MRTFA: variants seen among roughly 807,000 people sequenced by gnomAD.
MRTFA encodes myocardin-related transcription factor A.
Under a neutral mutation model 83.5 loss-of-function variants are expected in MRTFA, and 20 were observed. The observed-to-expected ratio is 0.24, with a 90% CI of 0.17 to 0.35. The LOEUF is 0.35. MRTFA is among the 10% of genes least tolerant of loss of function. The pLI is 1.00. For synonymous variants in MRTFA, 659 were observed against 541.2 expected, an observed-to-expected ratio of 1.22 and a Z score of -3.02; for missense variants, 1,200 against 1,224.7, an observed-to-expected ratio of 0.98 and a Z score of 0.30.
At chr22:40,631,101 T>G (rs1677851162) in intron 1 of MRTFA, among the ~76,000 whole-genome samples, 1 of 152,228 alleles carries the variant, frequency 6.6e-6, no homozygotes, top group Non-Finnish European at 1.5e-5. Flanking sequence ...TTATTTTAAC[T>G]GTGGAATTCA....
At chr22:40,627,591 T>C (rs1035159579) in intron 1 of MRTFA, among the ~76,000 whole-genome samples, 3 of 152,198 alleles carry the variant, frequency 2.0e-5, no homozygotes, top group African/African-American at 4.8e-5. Context: ...TCGCTAACTA[T>C]GCAAAAGACA....
chr22:40,490,980 G>C (rs2054262666), intron 3 of MRTFA, among the ~76,000 whole-genome samples: 1 of 151,362 alleles, frequency 6.6e-6, no homozygotes, highest in Non-Finnish European at 1.5e-5. Context: ...AAATTTAAAA[G>C]TGAACTTTTC....
At chr22:40,587,160 G>A in intron 2 of MRTFA, 1 of 460,190 alleles carries the variant, frequency 2.2e-6, no homozygotes, top group Non-Finnish European at 4.4e-6. Flanking sequence ...GGTCTGTATT[G>A]ATCATCTTGT....
At position 40,417,473 on chromosome 22, in the gene MRTFA, A is replaced by G. The variant is rs1451554468; in HGVS notation, c.2385T>C (p.Ser795=). Residue 795 remains serine, a synonymous_variant, in exon 13 of 15, where the codon TCT becomes TCC. Transcript: ENST00000355630. ...TCTGGGCAGAGGGGGCAGGCGCTGG[A>G]GAGCCAGGCTGGGACGAGGGCTGGA... 6.5e-7 allele frequency: 1 copy of G among 1,528,390 alleles called. No individual in the cohort carries two copies. Among genetic ancestry groups the G allele is most frequent in the Admixed American group, 1.9e-5 (1 of 53,860 alleles). 94.7% of individuals were successfully genotyped at this position (1,528,390 alleles called of 1,614,324 possible).
At chr22:40,439,005 T>C (rs1602242877) in intron 4 of MRTFA, among the ~76,000 whole-genome samples, 1 of 152,328 alleles carries the variant, frequency 6.6e-6, no homozygotes, top group East Asian at 1.9e-4. Context: ...AATTTAATAT[T>C]CCTAATCATT....
intron 3 of MRTFA, among the ~76,000 whole-genome samples, chr22:40,540,566 G>A (rs769059607): frequency 2.1e-4 from 32 of 151,994 alleles, no homozygotes; most frequent in Non-Finnish European, 4.4e-4. Context: ...GAGGTGGGTG[G>A]ATCAGGGGTT....
At chr22:40,548,874 T>C (rs1001599500) in intron 3 of MRTFA, among the ~76,000 whole-genome samples, 1 of 148,464 alleles carries the variant, frequency 6.7e-6, no homozygotes, top group African/African-American at 2.5e-5. Context: ...AAAATATATA[T>C]ATACCACTTA....
chr22:40,590,934 C>T (rs1037487274), intron 2 of MRTFA, among the ~76,000 whole-genome samples: 2 of 151,950 alleles, frequency 1.3e-5, no homozygotes, highest in South Asian at 4.1e-4. Flanking sequence ...GAAATCAAGA[C>T]CATCCTGGCC....
intron 3 of MRTFA, among the ~76,000 whole-genome samples, chr22:40,482,940 G>A (rs970680168): frequency 6.6e-6 from 1 of 152,036 alleles, no homozygotes; most frequent in African/African-American, 2.4e-5. Flanking sequence ...AGACCAACCT[G>A]GGCAACACAG....
chr22:40,586,941 G>A (rs2056039502), intron 2 of MRTFA: 1 of 443,690 alleles, frequency 2.3e-6, no homozygotes, highest in African/African-American at 2.0e-5. Context: ...TGCTGCTGCT[G>A]CCACCGCCGC....
chr22:40,519,676 T>A (rs531069313), intron 3 of MRTFA: 19 of 1,153,632 alleles, frequency 1.6e-5, no homozygotes, highest in African/African-American at 1.6e-5. Context: ...TTAAAAAAAA[T>A]GTTATAACAA....
intron 7 of MRTFA, among the ~76,000 whole-genome samples, chr22:40,428,682 T>G (rs2147088962): frequency 1.3e-5 from 2 of 152,176 alleles, no homozygotes; most frequent in Admixed American, 1.3e-4. Context: ...CCCAGCTAAT[T>G]TTTTGATTTT....
chr22:40,621,335 G>A (rs1284501668), intron 1 of MRTFA, among the ~76,000 whole-genome samples: 4 of 152,154 alleles, frequency 2.6e-5, no homozygotes, highest in Non-Finnish European at 5.9e-5. Flanking sequence ...GACTCTTGAG[G>A]ACATTATACT....
intron 3 of MRTFA, among the ~76,000 whole-genome samples, chr22:40,533,364 G>A (rs2147279319): frequency 6.6e-6 from 1 of 152,212 alleles, no homozygotes; most frequent in Middle Eastern, 3.4e-3. Flanking sequence ...CTCCGCAACT[G>A]AATAATCTTA....
chr22:40,512,716 G>A (rs1168186792), intron 3 of MRTFA, among the ~76,000 whole-genome samples: 1 of 152,212 alleles, frequency 6.6e-6, no homozygotes, highest in African/African-American at 2.4e-5. Flanking sequence ...TAGCCAGTGA[G>A]GTTTTGTGGA....
In MRTFA at chr22:40,411,515, G is replaced by A. The variant is rs751291054; in HGVS notation, c.2971C>T (p.Leu991=). The A allele has an allele frequency of 6.2e-7, 1 of 1,612,772 alleles. No homozygotes were observed. The highest frequency in any genetic ancestry group is 8.5e-7 in the Non-Finnish European group (1 of 1,179,080). Residue 991 remains leucine (L), a synonymous_variant, in exon 15 of 15, where the codon CTG becomes TTG. Transcript: ENST00000355630. ...ACGGGACCACCTGACGACAGCTCCAGCCAGTCCATGCTGTCCAGGTGGCCA... is the reference window on the plus strand; with the variant it reads ...ACGGGACCACCTGACGACAGCTCCAACCAGTCCATGCTGTCCAGGTGGCCA...
At chr22:40,588,182 C>T (rs941670060) in intron 2 of MRTFA, among the ~76,000 whole-genome samples, 2 of 152,076 alleles carry the variant, frequency 1.3e-5, no homozygotes, top group Non-Finnish European at 2.9e-5. Flanking sequence ...GCACGCGCCA[C>T]CACGCCCAGA....
chr22:40,571,751 T>G (rs893350262), intron 2 of MRTFA, among the ~76,000 whole-genome samples: 2 of 150,426 alleles, frequency 1.3e-5, no homozygotes, highest in Non-Finnish European at 3.0e-5. Context: ...ACCCCGTCTC[T>G]ACTAACAAGA....
At chr22:40,503,183 A>G (rs1020219828) in intron 3 of MRTFA, among the ~76,000 whole-genome samples, 3 of 152,236 alleles carry the variant, frequency 2.0e-5, no homozygotes, top group African/African-American at 7.2e-5. Flanking sequence ...TGAACTAACA[A>G]GGCTAGAAAT....
Sources: allele counts gnomAD v4.1 joint callset (sites outside exome capture counted in the v4.1 genomes callset), GRCh38; gene constraint gnomAD v4.1.1; transcripts MANE v1.5; gene names NCBI Gene and HGNC (gene_info 2026-07-23, HGNC 2026-07-21).